CAGE1: variants seen among roughly 807,000 people sequenced by gnomAD.
CAGE1 encodes the protein cancer antigen 1.
Under a neutral mutation model 94.9 loss-of-function variants are expected in CAGE1, and 66 were observed. The ratio of observed to expected loss-of-function variants is 0.70; its 90% CI spans 0.57 to 0.85. The LOEUF is 0.85. Among genes scored for constraint, CAGE1 ranks in the 40% least tolerant of loss-of-function variants. The pLI, the probability that CAGE1 is intolerant of heterozygous loss-of-function variation, is 0.00. For synonymous variants in CAGE1, 319 were observed against 321.0 expected, an observed-to-expected ratio of 0.99 and a Z score of 0.07; for missense variants, 865 against 950.4, an observed-to-expected ratio of 0.91 and a Z score of 1.18.
chr6:7,333,677 T>TATA (rs11400589), intron 12 of CAGE1, among the ~76,000 whole-genome samples: 1 of 140,342 alleles, frequency 7.1e-6, no homozygotes, highest in Non-Finnish European at 1.5e-5. Flanking sequence ...TATATATACA[T>TATA]TTTTTTTTTG....
At chr6:7,336,530 G>T (rs1410018340) in intron 11 of CAGE1, among the ~76,000 whole-genome samples, 1 of 151,896 alleles carries the variant, frequency 6.6e-6, no homozygotes, top group Non-Finnish European at 1.5e-5. Context: ...TTTCTTTTAA[G>T]ACAGAGTCTT....
At chr6:7,387,254 C>A in intron 1 of CAGE1, 58 bp from the exon 2 acceptor site, 1 of 890,110 alleles carries the variant, frequency 1.1e-6, no homozygotes, top group Non-Finnish European at 1.7e-6. Flanking sequence ...TTCCCTATCC[C>A]TCTTCTCATT....
chr6:7,376,140 A>G (rs1345180731), intron 4 of CAGE1, among the ~76,000 whole-genome samples: 2 of 152,208 alleles, frequency 1.3e-5, no homozygotes, highest in Non-Finnish European at 2.9e-5. Flanking sequence ...CTGTAATCCC[A>G]GCACTTTGGG....
intron 11 of CAGE1, among the ~76,000 whole-genome samples, chr6:7,353,380 C>A (rs1280552993): frequency 3.9e-5 from 6 of 151,928 alleles, no homozygotes; most frequent in Non-Finnish European, 8.8e-5. Context: ...ATAAAAAAAT[C>A]AAAAAACAGT....
In CAGE1 at chr6:7,381,835, A is replaced by C. The variant is rs1271311491; in HGVS notation, c.284-2815T>G. Among the ~76,000 whole-genome samples the C allele has an allele frequency of 7.0e-5, 10 of 142,390 alleles. No homozygotes were observed. In the South Asian group the frequency reaches 2.2e-3, roughly 31 times the overall value. The allele number at this position is 142,390 out of a possible 152,430, so 93.4% of individuals were successfully genotyped here. A position where few individuals can be genotyped will look rare whatever the true frequency, so the allele number is the denominator to read the frequency against. ...TGAGCCACTGTGCCCGGCCTGAATTATGTGCCTTTTTCTTTTTTTTTTTGA... is the reference window on the plus strand; with the variant it reads ...TGAGCCACTGTGCCCGGCCTGAATTCTGTGCCTTTTTCTTTTTTTTTTTGA... On this transcript the variant is annotated intron_variant, in intron 3 of 13. Coordinates refer to ENST00000502583, the MANE Select transcript of CAGE1 (RefSeq NM_001170692.2).
intron 11 of CAGE1, among the ~76,000 whole-genome samples, chr6:7,334,789 A>G (rs545883732): frequency 6.6e-6 from 1 of 152,008 alleles, no homozygotes; most frequent in Non-Finnish European, 1.5e-5. Flanking sequence ...CCTGAGCTAG[A>G]AACAGCTTAA....
chr6:7,359,206 C>T lies in CAGE1; in HGVS notation c.2194-3077G>A, dbSNP rs145512889. On this transcript the variant is annotated intron_variant, in intron 9 of 13. Transcript: ENST00000502583. ...GGATTACAGGCATGTGCCACCATGC[C>T]CGGCTAATTTTGTATTTTTTAGTAG... Among the ~76,000 whole-genome samples the T allele has an allele frequency of 2.8e-3, 424 of 152,216 alleles. 4 individuals carry two copies. The highest frequency in any genetic ancestry group is 9.4e-3 in the African/African-American group (392 of 41,536).
intron 11 of CAGE1, among the ~76,000 whole-genome samples, chr6:7,344,739 A>G (rs1759362207): frequency 1.3e-5 from 2 of 152,198 alleles, no homozygotes; most frequent in South Asian, 2.1e-4. Context: ...AAATACACCA[A>G]TCAGCACTCT....
In CAGE1 at chr6:7,373,400, C is replaced by T. The variant is rs773231886; in HGVS notation, c.1419G>A (p.Leu473=). The change falls in exon 5 of 14, where the codon TTG becomes TTA. Residue 473 remains leucine (L), a synonymous_variant. Coordinates refer to ENST00000502583, the MANE Select transcript of CAGE1 (RefSeq NM_001170692.2). ...EKATASALDL[L]KREKEAQEQE... is the part of the protein sequence containing the mutation. ...GTTCTTGGGCCTCTTTTTCCCGTTT[C>T]AACAAGTCCAAAGCAGAAGCTGTGG... The T allele has an allele frequency of 2.5e-6, 4 of 1,613,810 alleles. No homozygotes were observed. In the East Asian group the frequency reaches 8.9e-5, roughly 36 times the overall value.
intron 10 of CAGE1, among the ~76,000 whole-genome samples, chr6:7,355,593 A>T (rs1581678365): frequency 6.6e-6 from 1 of 152,254 alleles, no homozygotes; most frequent in African/African-American, 2.4e-5. Context: ...TAATATCATT[A>T]TGAAGTAAAA....
At chr6:7,347,516 T>TGGGGGGGGG (rs1292213281) in intron 11 of CAGE1, 8 of 7,538 alleles carry the variant, frequency 1.1e-3, no homozygotes, top group Non-Finnish European at 1.4e-3. Flanking sequence ...GGGGGGGGGT[T>TGGGGGGGGG]GGGGGGGGCG....
At chr6:7,351,573 GAA>G (rs56766681) in intron 11 of CAGE1, among the ~76,000 whole-genome samples, 81 of 134,614 alleles carry the variant, frequency 6.0e-4, no homozygotes, top group South Asian at 5.6e-3. Flanking sequence ...TTTTGGAATA[GAA>G]AAAAAAAAAA....
In CAGE1 at chr6:7,387,165, CT is replaced by C. The variant is rs1387068643; in HGVS notation, c.8del (p.Lys3ArgfsTer25). 1 of 1,549,824 alleles carries C rather than the reference CT, an allele frequency of 6.5e-7. No individual in the cohort carries two copies. The highest frequency in any genetic ancestry group is 2.4e-5 in the East Asian group (1 of 40,892). ...GTGATGACCAAAATTTTTGATAGTC[CT>C]TGTTCATAACTGTTGAACAATAGAA... is the stretch of plus-strand genomic sequence containing the variant. The part of the protein sequence containing the change: MN[K>X]DYQKFWSSPS... On this transcript the variant is annotated frameshift_variant, in exon 2 of 14. Transcript: ENST00000502583. LOFTEE classifies it high-confidence loss of function.
intron 11 of CAGE1, chr6:7,340,803 A>G: frequency 2.6e-6 from 1 of 391,840 alleles, no homozygotes; most frequent in Non-Finnish European, 4.9e-6. Flanking sequence ...CAGACAGTCT[A>G]CTCCCTCAAT....
Position 7,373,190 on chromosome 6 carries a change from C to A in CAGE1, c.1629G>T (p.Glu543Asp), listed in dbSNP as rs1760608559. 8 of 1,613,602 alleles carry A rather than the reference C, an allele frequency of 5.0e-6. No homozygotes were observed. The highest frequency in any genetic ancestry group is 6.8e-6 in the Non-Finnish European group (8 of 1,179,738). Residue 543 changes from glutamate to aspartate, a missense_variant, in exon 5 of 14, where the codon GAG becomes GAT. Glu to Asp is a conservative substitution (Grantham distance 45). Transcript: ENST00000502583. ...CAACCTGCTGTTTAAGTTTTGCATT[C>A]TCATTTTTTACTTCGTTGATTTGCT... Reference protein sequence around the residue: ...LQQQINEVKNENAKLKQQVAR... With the variant: ...LQQQINEVKNDNAKLKQQVAR...
intron 11 of CAGE1, among the ~76,000 whole-genome samples, chr6:7,346,483 A>G (rs1759543659): frequency 6.6e-6 from 1 of 152,124 alleles, no homozygotes; most frequent in Non-Finnish European, 1.5e-5. Context: ...CAGGAGATGG[A>G]GATTGCAGTG....
At chr6:7,345,619 C>T (rs1047589112) in intron 11 of CAGE1, among the ~76,000 whole-genome samples, 2 of 152,190 alleles carry the variant, frequency 1.3e-5, no homozygotes, top group Non-Finnish European at 2.9e-5. Flanking sequence ...TTTCTAACGT[C>T]TAAGGCCTGT....
At chr6:7,366,212 C>A (rs1670350920) in intron 7 of CAGE1, among the ~76,000 whole-genome samples, 1 of 148,850 alleles carries the variant, frequency 6.7e-6, no homozygotes, top group Admixed American at 6.7e-5. Flanking sequence ...CGCCATTGCA[C>A]TCCAGCCTGG....
chr6:7,352,459 A>G (rs930120738), intron 11 of CAGE1, among the ~76,000 whole-genome samples: 3 of 152,182 alleles, frequency 2.0e-5, no homozygotes, highest in African/African-American at 7.2e-5. Flanking sequence ...TGTGAAAATG[A>G]CCATACTGCC....
Sources: allele counts gnomAD v4.1 joint callset (sites outside exome capture counted in the v4.1 genomes callset), GRCh38; gene constraint gnomAD v4.1.1; transcripts MANE v1.5; gene names NCBI Gene and HGNC (gene_info 2026-07-23, HGNC 2026-07-21).